Variants in PMM2 observed in about 807,000 individuals in gnomAD.
PMM2 encodes phosphomannomutase 2.
In PMM2, 35 loss-of-function variants were observed where a neutral mutation model predicts 33.2. The observed-to-expected ratio is 1.06, with a 90% CI of 0.81 to 1.40. The LOEUF is 1.40. Among genes scored for constraint, PMM2 ranks in the 40% most tolerant of loss-of-function variants. PMM2 has a pLI of 0.00. For missense variants in PMM2, 386 were observed against 306.0 expected (o/e 1.26, Z -1.95); for synonymous variants, 153 against 114.7 (o/e 1.33, Z -2.13).
chr16:8,825,878 C>G (rs1346261229), intron 7 of PMM2, among the ~76,000 whole-genome samples: 1 of 151,450 alleles, frequency 6.6e-6, no homozygotes, highest in Non-Finnish European at 1.5e-5. Context: ...GCCTCAACCT[C>G]CCGAGTAGCT....
At chr16:8,837,086 A>G (rs1342234259) in intron 7 of PMM2, among the ~76,000 whole-genome samples, 3 of 151,888 alleles carry the variant, frequency 2.0e-5, no homozygotes, top group African/African-American at 7.3e-5. Context: ...ATGGGTCTGT[A>G]GAAAAGGAAT....
In PMM2 at chr16:8,835,617, G is replaced by T. The variant is rs2060840699; in HGVS notation, c.640-12107G>T. Reference sequence around the variant, plus strand: ...TAGGCAAAACAATTTGGTTGATAACGCGCAGATTCTGAAGTAACCTGTAAG... The same window carrying T: ...TAGGCAAAACAATTTGGTTGATAACTCGCAGATTCTGAAGTAACCTGTAAG... On this transcript the variant is annotated intron_variant, in intron 7 of 7. Transcript: ENST00000268261. Among the ~76,000 whole-genome samples the T allele has an allele frequency of 3.9e-5, 6 of 152,182 alleles. No individual in the cohort carries two copies. In the South Asian group the frequency reaches 1.0e-3, roughly 26 times the overall value.
rs1488089118 is a variant in PMM2 at position 8,797,908 on chromosome 16, GC to G, written c.28del (p.Leu10SerfsTer26). On this transcript the variant is annotated frameshift_variant, in exon 1 of 8. Transcript: ENST00000268261. LOFTEE classifies it high-confidence loss of function. ...ATGGCAGCGCCTGGCCCAGCGCTCT[GC>G]CTCTTCGACGTGGATGGGACCCTCA... MAAPGPAL[C>X]LFDVDGTLTA... The G allele has an allele frequency of 6.2e-7, 1 of 1,611,204 alleles. No individual in the cohort carries two copies. Among genetic ancestry groups the G allele is most frequent in the Non-Finnish European group, 8.5e-7 (1 of 1,179,196 alleles).
intron 7 of PMM2, among the ~76,000 whole-genome samples, chr16:8,824,417 G>T (rs2060754754): frequency 6.6e-6 from 1 of 152,144 alleles, no homozygotes; most frequent in African/African-American, 2.4e-5. Flanking sequence ...AGTCAACAAG[G>T]AAATCTGGTC....
chr16:8,811,126 T>A lies in PMM2; in HGVS notation c.395T>A (p.Ile132Asn), dbSNP rs80338702. The A allele has an allele frequency of 8.9e-6, 14 of 1,578,324 alleles. No homozygotes were observed. Among genetic ancestry groups the A allele is most frequent in the African/African-American group, 1.3e-5 (1 of 74,194 alleles). The part of the protein sequence containing the change: ...FRNGMLNVSP[I>N]GRSCSQEERI... ...AATGGGATGTTAAACGTGTCCCCTA[T>A]TGGAAGAAGCTGCAGCCAAGAAGAA... is the stretch of plus-strand genomic sequence containing the variant. The change falls in exon 5 of 8, where the codon ATT becomes AAT. Residue 132 changes from isoleucine (I) to asparagine (N), a missense_variant. Transcript: ENST00000268261.
At chr16:8,840,921 C>G (rs1317431280) in intron 7 of PMM2, among the ~76,000 whole-genome samples, 1 of 151,942 alleles carries the variant, frequency 6.6e-6, no homozygotes, top group Admixed American at 6.6e-5. Context: ...CCTGTCTAGC[C>G]TGCTGGAGGA....
intron 1 of PMM2, 125 bp from the exon 2 acceptor site, chr16:8,801,674 A>C (rs1306003781): frequency 3.2e-6 from 2 of 617,630 alleles, no homozygotes; most frequent in Non-Finnish European, 5.6e-6. Flanking sequence ...CTATCTCAAA[A>C]AAAAATTTTT....
At chr16:8,825,108 G>A (rs1423522439) in intron 7 of PMM2, among the ~76,000 whole-genome samples, 1 of 152,178 alleles carries the variant, frequency 6.6e-6, no homozygotes, top group Admixed American at 6.5e-5. Flanking sequence ...TCAGCTCACT[G>A]CAAGCTCTAT....
At chr16:8,800,485 T>C (rs1246993018) in intron 1 of PMM2, among the ~76,000 whole-genome samples, 1 of 152,204 alleles carries the variant, frequency 6.6e-6, no homozygotes, top group Non-Finnish European at 1.5e-5. Context: ...TTCATCTTAG[T>C]TTATAACTTT....
At chr16:8,832,943 G>A (rs1255514935) in intron 7 of PMM2, 1 of 799,370 alleles carries the variant, frequency 1.3e-6, no homozygotes. Flanking sequence ...GCGCCCAAGA[G>A]CTGTCTGTTG....
At chr16:8,843,303 T>C (rs1176121205) in intron 7 of PMM2, among the ~76,000 whole-genome samples, 2 of 152,126 alleles carry the variant, frequency 1.3e-5, no homozygotes, top group Non-Finnish European at 2.9e-5. Context: ...ACCCAAAGCT[T>C]GGCGTCCGTG....
At chr16:8,831,559 C>T (rs1460357405) in intron 7 of PMM2, among the ~76,000 whole-genome samples, 8 of 152,116 alleles carry the variant, frequency 5.3e-5, no homozygotes, top group African/African-American at 1.9e-4. Context: ...GTCCCGACCA[C>T]GAGCTACAGA....
chr16:8,827,825 ATT>A (rs1486321254), intron 7 of PMM2, among the ~76,000 whole-genome samples: 7 of 100,562 alleles, frequency 7.0e-5, no homozygotes, highest in Non-Finnish European at 1.0e-4. Flanking sequence ...TATAATATAT[ATT>A]ATATATATTG....
At chr16:8,820,746 G>T (rs2060734384) in intron 7 of PMM2, among the ~76,000 whole-genome samples, 1 of 152,164 alleles carries the variant, frequency 6.6e-6, no homozygotes, top group Non-Finnish European at 1.5e-5. Flanking sequence ...AAGGCAGCTG[G>T]GACATGCATC....
chr16:8,800,275 C>T (rs567422317), intron 1 of PMM2, among the ~76,000 whole-genome samples: 2 of 151,168 alleles, frequency 1.3e-5, no homozygotes, highest in African/African-American at 2.4e-5. Flanking sequence ...ACAGGAGAAT[C>T]GCTTGAACCC....
chr16:8,823,803 T>C (rs143657682), intron 7 of PMM2, among the ~76,000 whole-genome samples: 1 of 152,326 alleles, frequency 6.6e-6, no homozygotes, highest in East Asian at 1.9e-4. Context: ...TTTACCACAG[T>C]TCAGGAACCC....
chr16:8,807,163 A>ATT (rs34373172), intron 4 of PMM2: 34,199 of 141,218 alleles, frequency 0.24, 4,660 homozygotes, highest in South Asian at 0.34. Context: ...TGCCCAGCTA[A>ATT]TTTTTTTTTT....
At chr16:8,819,329 G>A (rs1447707340) in intron 7 of PMM2, among the ~76,000 whole-genome samples, 1 of 152,186 alleles carries the variant, frequency 6.6e-6, no homozygotes, top group African/African-American at 2.4e-5. Context: ...TATAAGTAAT[G>A]TGCTGGCTAC....
intron 7 of PMM2, among the ~76,000 whole-genome samples, chr16:8,846,564 T>C (rs2060926866): frequency 6.6e-6 from 1 of 151,998 alleles, no homozygotes; most frequent in East Asian, 1.9e-4. Context: ...GGGACACAGA[T>C]GGGAGCACTC....
Sources: allele counts gnomAD v4.1 joint callset (sites outside exome capture counted in the v4.1 genomes callset), GRCh38; gene constraint gnomAD v4.1.1; transcripts MANE v1.5; gene names NCBI Gene and HGNC (gene_info 2026-07-23, HGNC 2026-07-21).